Variants in ROS1 observed in about 807,000 individuals in gnomAD.
The protein encoded by ROS1 is proto-oncogene tyrosine-protein kinase ROS.
A neutral mutation model predicts 273.5 loss-of-function variants in ROS1; 263 were observed. The observed-to-expected ratio is 0.96, with a 90% CI of 0.87 to 1.06. ROS1 has a LOEUF of 1.06. ROS1 is among the 50% of genes least tolerant of loss of function. ROS1 has a pLI of 0.00. For synonymous variants in ROS1, 1,008 were observed against 954.1 expected, an observed-to-expected ratio of 1.06 and a Z score of -1.04; for missense variants, 2,833 against 2,751.1, an observed-to-expected ratio of 1.03 and a Z score of -0.67.
At chr6:117,326,624 C>T (rs1776664806) in intron 33 of ROS1, among the ~76,000 whole-genome samples, 1 of 151,932 alleles carries the variant, frequency 6.6e-6, no homozygotes, top group Admixed American at 6.6e-5. Flanking sequence ...ATTAACTCAG[C>T]CCACCAAGAA....
intron 1 of ROS1, among the ~76,000 whole-genome samples, chr6:117,424,750 C>T (rs1776015069): frequency 6.6e-6 from 1 of 152,040 alleles, no homozygotes; most frequent in Admixed American, 6.6e-5. Flanking sequence ...ATCTCCAATA[C>T]TTTAGAATAA....
intron 32 of ROS1, among the ~76,000 whole-genome samples, chr6:117,332,203 T>C (rs934522758): frequency 1.3e-5 from 2 of 148,890 alleles, no homozygotes. Flanking sequence ...TCCTAGTCTC[T>C]GACAAAACAG....
At chr6:117,418,863 A>C (rs9489156) in intron 1 of ROS1, among the ~76,000 whole-genome samples, 18,997 of 152,184 alleles carry the variant, frequency 0.12, 1,296 homozygotes, top group African/African-American at 0.16. Flanking sequence ...TCCTTTTTAA[A>C]ATTAAGAGCA....
intron 42 of ROS1, among the ~76,000 whole-genome samples, chr6:117,308,366 G>T (rs1775269763): frequency 6.6e-6 from 1 of 151,834 alleles, no homozygotes; most frequent in Non-Finnish European, 1.5e-5. Context: ...TCAACAAAGG[G>T]AATCCAACTT....
rs1375620708 is a variant in ROS1, at chr6:117,388,098, A to G, written c.1787-106T>C. ...ACAGCCTCATCTCAAATGGGAGAGC[A>G]ATTGGGCAGTAATATCCGCTACCCC... On this transcript the variant is annotated intron_variant, in intron 13 of 43. Transcript: ENST00000368507. 3 of 1,544,498 alleles carry G rather than the reference A, an allele frequency of 1.9e-6. No homozygotes were observed. The East Asian group carries it at 6.7e-5, about 35-fold the overall frequency.
At chr6:117,332,036 C>T (rs1777111167) in intron 32 of ROS1, among the ~76,000 whole-genome samples, 1 of 152,068 alleles carries the variant, frequency 6.6e-6, no homozygotes, top group African/African-American at 2.4e-5. Flanking sequence ...TTAAAAGATA[C>T]AGACTGGCAA....
chr6:117,288,577 T>G lies in ROS1; in HGVS notation c.6941A>C (p.Gln2314Pro). Residue 2314 changes from glutamine to proline, a missense_variant, in exon 44 of 44, where the codon CAA becomes CCA. Physicochemically the swap from Gln to Pro is moderately conservative, Grantham distance 76. Coordinates refer to ENST00000368507, the MANE Select transcript of ROS1 (RefSeq NM_001378902.1). ...CTTGCCAGAAGGGCAGTAAGCCACT[T>G]GTTTTTCTTGGCAGAAATCTTTGTC... The part of the protein sequence containing the change: ...HADKDFCQEK[Q>P]VAYCPSGKPE... 1 of 1,614,174 alleles carries G rather than the reference T, an allele frequency of 6.2e-7. No individual in the cohort carries two copies. Among genetic ancestry groups the G allele is most frequent in the Non-Finnish European group, 8.5e-7 (1 of 1,180,030 alleles).
At chr6:117,406,833 A>C (rs557459108) in intron 5 of ROS1, among the ~76,000 whole-genome samples, 1 of 152,230 alleles carries the variant, frequency 6.6e-6, no homozygotes, top group Non-Finnish European at 1.5e-5. Context: ...TTAAATAAAA[A>C]TAATTGCATG....
intron 17 of ROS1, among the ~76,000 whole-genome samples, chr6:117,380,907 C>A (rs965141308): frequency 1.5e-4 from 23 of 152,084 alleles, no homozygotes; most frequent in African/African-American, 5.6e-4. Flanking sequence ...TTTTATCACA[C>A]AAGTAATTGG....
chr6:117,420,927 G>T (rs1053350616), intron 1 of ROS1, among the ~76,000 whole-genome samples: 2 of 151,444 alleles, frequency 1.3e-5, no homozygotes, highest in East Asian at 3.9e-4. Context: ...TAAATTAGAG[G>T]TATATTTTCT....
chr6:117,407,527 C>T (rs1774513863), intron 5 of ROS1, among the ~76,000 whole-genome samples: 1 of 152,086 alleles, frequency 6.6e-6, no homozygotes, highest in Non-Finnish European at 1.5e-5. Context: ...TTTCTAGAGC[C>T]TTTTGGGGAG....
chr6:117,392,891 G>A (rs13196296), intron 12 of ROS1, among the ~76,000 whole-genome samples: 5,730 of 152,180 alleles, frequency 0.038, 223 homozygotes, highest in Non-Finnish European at 0.055. Flanking sequence ...GTGTTGAGGC[G>A]GAAAGTGAGA....
rs529832650 is a variant in ROS1, at chr6:117,328,661, T to C, written c.5348+668A>G. 5.4e-5 allele frequency: 32 copies of C among 589,428 alleles called. No individual in the cohort carries two copies. In the East Asian group the frequency reaches 1.1e-3, roughly 19 times the overall value. 36.5% of individuals were successfully genotyped at this position (589,428 alleles called of 1,614,324 possible). A position where few individuals can be genotyped will look rare whatever the true frequency, so the allele number is the denominator to read the frequency against. ...CTTAAAAGATGGTTTCATAGTCCTG[T>C]GAGAGGAGTGTCTTTGGAATTTGGA... On this transcript the variant is annotated intron_variant, in intron 33 of 43. Transcript: ENST00000368507.
intron 26 of ROS1, among the ~76,000 whole-genome samples, chr6:117,355,682 T>A (rs1779250773): frequency 6.6e-6 from 1 of 152,028 alleles, no homozygotes. Context: ...CCACCTTGGC[T>A]CACTGCAACC....
chr6:117,354,425 G>C (rs1779130679), intron 26 of ROS1, among the ~76,000 whole-genome samples: 1 of 152,062 alleles, frequency 6.6e-6, no homozygotes, highest in South Asian at 2.1e-4. Flanking sequence ...CATGTGGAAA[G>C]TGATTAAATT....
intron 8 of ROS1, among the ~76,000 whole-genome samples, chr6:117,396,663 A>G (rs1175802977): frequency 6.6e-6 from 1 of 152,176 alleles, no homozygotes; most frequent in Non-Finnish European, 1.5e-5. Context: ...GGTGTTTACG[A>G]TGTCTTTATT....
chr6:117,341,133 A>G lies in ROS1; in HGVS notation c.5061+2T>C, dbSNP rs2128621301. The G allele has an allele frequency of 6.3e-6, 10 of 1,595,474 alleles. No individual in the cohort carries two copies. The highest frequency in any genetic ancestry group is 8.5e-6 in the Non-Finnish European group (10 of 1,171,414). On this transcript the variant is annotated splice_donor_variant, in intron 31 of 43. Transcript: ENST00000368507. LOFTEE classifies it high-confidence loss of function. ...AAATAAAGACTTGCATTAAAAGTCT[A>G]CCTTCTGTAGCTCAACCCAAAATCT... is the stretch of plus-strand genomic sequence containing the variant.
chr6:117,398,328 G>T (rs553006037), intron 7 of ROS1, among the ~76,000 whole-genome samples: 1 of 152,074 alleles, frequency 6.6e-6, no homozygotes, highest in East Asian at 1.9e-4. Flanking sequence ...TCCCTTGTCT[G>T]ACAATCATTC....
At chr6:117,407,485 CT>C (rs1774509124) in intron 5 of ROS1, among the ~76,000 whole-genome samples, 1 of 152,206 alleles carries the variant, frequency 6.6e-6, no homozygotes, top group Non-Finnish European at 1.5e-5. Flanking sequence ...AAATCTAACA[CT>C]GAGAAGCATA....
Sources: gnomAD v4.1 joint callset for allele counts (sites outside exome capture counted in the v4.1 genomes callset) on GRCh38, gnomAD v4.1.1 for gene constraint, MANE v1.5 for transcripts, NCBI Gene and HGNC (gene_info 2026-07-23, HGNC 2026-07-21) for gene names.